SLC8A1: variants seen among roughly 807,000 people sequenced by gnomAD.
SLC8A1 encodes sodium/calcium exchanger 1.
In SLC8A1, 18 loss-of-function variants were observed where a neutral mutation model predicts 68.3. The observed-to-expected ratio is 0.26, with a 90% confidence interval of 0.18 to 0.39. The LOEUF is 0.39. Ranked by LOEUF, SLC8A1 falls within the 10% of genes least tolerant of loss-of-function variation. The pLI, the probability that SLC8A1 is intolerant of heterozygous loss-of-function variation, is 1.00. For synonymous variants in SLC8A1, 475 were observed against 415.5 expected (o/e 1.14, Z -1.74); for missense variants, 985 against 1,156.7 (o/e 0.85, Z 2.15).
chr2:40,443,562 A>G (rs1025508352), intron 1 of SLC8A1, among the ~76,000 whole-genome samples: 3 of 152,202 alleles, frequency 2.0e-5, no homozygotes, highest in African/African-American at 7.2e-5. Context: ...AGGGACAAAA[A>G]GTAGCTTCTA....
At chr2:40,154,501 G>C (rs1376685259) in intron 6 of SLC8A1, among the ~76,000 whole-genome samples, 3 of 52,350 alleles carry the variant, frequency 5.7e-5, no homozygotes, top group Non-Finnish European at 1.4e-4. Context: ...TTTTTTTTTT[G>C]TATTTTTAGT....
At chr2:40,324,917 A>G (rs949652615) in intron 2 of SLC8A1, among the ~76,000 whole-genome samples, 13 of 152,148 alleles carry the variant, frequency 8.5e-5, no homozygotes, top group African/African-American at 3.1e-4. Flanking sequence ...TGCAACAACC[A>G]AATGACTGCA....
At chr2:40,313,102 C>T (rs2073960434) in intron 2 of SLC8A1, among the ~76,000 whole-genome samples, 1 of 151,940 alleles carries the variant, frequency 6.6e-6, no homozygotes, top group Non-Finnish European at 1.5e-5. Flanking sequence ...TCTAGCTATT[C>T]CCTCTCCAAG....
chr2:40,268,294 A>C (rs1016650041), intron 2 of SLC8A1, among the ~76,000 whole-genome samples: 1 of 152,116 alleles, frequency 6.6e-6, no homozygotes, highest in Non-Finnish European at 1.5e-5. Flanking sequence ...ATACTCACTA[A>C]AGTGAAATTC....
chr2:40,102,006 A>T (rs1341544971), exon 8 of SLC8A1: 1 of 152,172 alleles, frequency 6.6e-6, no homozygotes, highest in Non-Finnish European at 1.5e-5. Context: ...GGGGACAAAG[A>T]TTTTCCATGT....
At chr2:40,191,088 G>C (rs2051728699) in intron 2 of SLC8A1, among the ~76,000 whole-genome samples, 1 of 151,872 alleles carries the variant, frequency 6.6e-6, no homozygotes, top group African/African-American at 2.4e-5. Context: ...CCTCTATATG[G>C]TGAAATACTC....
At chr2:40,193,954 T>C (rs1478253984) in intron 2 of SLC8A1, among the ~76,000 whole-genome samples, 1 of 152,154 alleles carries the variant, frequency 6.6e-6, no homozygotes. Flanking sequence ...CTGAAATTTC[T>C]CCTTCCTGAA....
intron 4 of SLC8A1, among the ~76,000 whole-genome samples, chr2:40,169,175 C>A (rs2047043855): frequency 6.6e-6 from 1 of 152,212 alleles, no homozygotes; most frequent in Non-Finnish European, 1.5e-5. Flanking sequence ...GAAAACAACA[C>A]AACCCATAAG....
chr2:40,350,587 C>CAAAAAAAAAAAAAAAAAAAAAA (rs572258156), intron 2 of SLC8A1, among the ~76,000 whole-genome samples: 1 of 76,212 alleles, frequency 1.3e-5, no homozygotes, highest in Non-Finnish European at 2.6e-5. Context: ...CCCAGACAAG[C>CAAAAAAAAAAAAAAAAAAAAAA]AAAAAAAAAA....
At chr2:40,450,972 G>A (rs1576586746) in intron 1 of SLC8A1, among the ~76,000 whole-genome samples, 1 of 152,166 alleles carries the variant, frequency 6.6e-6, no homozygotes, top group South Asian at 2.1e-4. Flanking sequence ...GGGGTGGTGG[G>A]GGGGATAGAG....
At chr2:40,326,785 C>T (rs1400240083) in intron 2 of SLC8A1, among the ~76,000 whole-genome samples, 2 of 152,116 alleles carry the variant, frequency 1.3e-5, no homozygotes, top group African/African-American at 4.8e-5. Flanking sequence ...CCAGGAGGGC[C>T]TGTGTTTTAA....
intron 7 of SLC8A1, among the ~76,000 whole-genome samples, chr2:40,117,282 T>A (rs1338743211): frequency 6.6e-6 from 1 of 150,646 alleles, no homozygotes; most frequent in Non-Finnish European, 1.5e-5. Context: ...CGGTAGCTCA[T>A]GCCTATAATC....
intron 1 of SLC8A1, among the ~76,000 whole-genome samples, chr2:40,446,223 C>T (rs1028716205): frequency 6.6e-5 from 10 of 152,202 alleles, no homozygotes; most frequent in Non-Finnish European, 1.5e-4. Context: ...TCACCTCTGA[C>T]TGGTATAGCC....
At chr2:40,115,084 A>C in exon 8 of SLC8A1, 5 of 373,148 alleles carry the variant, frequency 1.3e-5, no homozygotes, top group Non-Finnish European at 2.3e-5. Context: ...GCCCCTGGGA[A>C]TGGGAGGTGA....
intron 1 of SLC8A1, among the ~76,000 whole-genome samples, chr2:40,433,596 T>C (rs887760606): frequency 2.0e-5 from 3 of 152,216 alleles, no homozygotes; most frequent in African/African-American, 7.2e-5. Flanking sequence ...CAATGCACAG[T>C]ACCCTAACAA....
intron 2 of SLC8A1, among the ~76,000 whole-genome samples, chr2:40,183,129 T>C (rs379410): frequency 0.11 from 17,329 of 152,208 alleles, 1,126 homozygotes; most frequent in Middle Eastern, 0.21. Flanking sequence ...CTACCTGCGA[T>C]TGACAGGGAA....
chr2:40,509,032 T>G (rs1012931178), intron 1 of SLC8A1, among the ~76,000 whole-genome samples: 5 of 152,182 alleles, frequency 3.3e-5, no homozygotes, highest in Admixed American at 2.0e-4. Flanking sequence ...GAGGCCATTT[T>G]CTCCTCAACA....
At chr2:40,360,039 G>A (rs7598561) in intron 2 of SLC8A1, among the ~76,000 whole-genome samples, 104,389 of 152,006 alleles carry the variant, frequency 0.69, 36,395 homozygotes, top group African/African-American at 0.78. Flanking sequence ...AGTGCCCACT[G>A]GCATGTGCCA....
At chr2:40,437,940 C>G (rs373795092) in intron 1 of SLC8A1, among the ~76,000 whole-genome samples, 97 of 152,172 alleles carry the variant, frequency 6.4e-4, no homozygotes, top group Middle Eastern at 3.4e-3. Context: ...AAACCAGGAC[C>G]CTTCCATTAC....
Sources: gnomAD v4.1 joint callset for allele counts (sites outside exome capture counted in the v4.1 genomes callset) on GRCh38, gnomAD v4.1.1 for gene constraint, MANE v1.5 for transcripts, NCBI Gene and HGNC (gene_info 2026-07-23, HGNC 2026-07-21) for gene names.